DCAKD: variants seen among roughly 807,000 people sequenced by gnomAD.
DCAKD encodes the protein dephospho-CoA kinase domain-containing protein.
DCAKD carries 15 observed loss-of-function variants against 18.7 expected under a neutral mutation model. That is an observed-to-expected ratio of 0.80 (90% confidence interval 0.54 to 1.24). The LOEUF is 1.24. Among genes scored for constraint, DCAKD ranks in the 50% most tolerant of loss-of-function variants. The pLI is 0.00. For missense variants in DCAKD, 301 were observed against 322.0 expected (o/e 0.93, Z 0.50); for synonymous variants, 130 against 133.0 (o/e 0.98, Z 0.16).
chr17:45,053,056 G>T (rs1198506201), upstream of DCAKD, among the ~76,000 whole-genome samples: 1 of 150,206 alleles, frequency 6.7e-6, no homozygotes, highest in East Asian at 2.0e-4. Context: ...CCAGCTACAC[G>T]GGAGGCTGAG....
At chr17:45,050,833 T>C (rs907588800) in intron 1 of DCAKD, among the ~76,000 whole-genome samples, 1 of 152,246 alleles carries the variant, frequency 6.6e-6, no homozygotes, top group Non-Finnish European at 1.5e-5. Flanking sequence ...TTGAAAACTC[T>C]GTAAGCAAAC....
chr17:45,034,998 A>T lies in DCAKD; in HGVS notation c.-113T>A. On this transcript the variant is annotated splice_region_variant and 5_prime_UTR_variant, in exon 2 of 5. Coordinates refer to ENST00000651974, the MANE Select transcript of DCAKD (RefSeq NM_001288655.2). ...GGTCCACCAGAGGAGTGCCAGAAGG[A>T]CCTGCTTGGGAGAGGCCAGCGGGAC... 3 of 1,118,280 alleles carry T rather than the reference A, an allele frequency of 2.7e-6. No individual in the cohort carries two copies. The highest frequency in any genetic ancestry group is 3.9e-6 in the Non-Finnish European group (3 of 761,102). The allele number at this position is 1,118,280 out of a possible 1,614,324, so 69.3% of individuals were successfully genotyped here. A position where few individuals can be genotyped will look rare whatever the true frequency, so the allele number is the denominator to read the frequency against.
chr17:45,034,682 C>A, intron 2 of DCAKD, 92 bp downstream of exon 2: 1 of 1,374,960 alleles, frequency 7.3e-7, no homozygotes, highest in Non-Finnish European at 1.0e-6. Context: ...CCTTCCCCTC[C>A]TCTGAGACTT....
intron 3 of DCAKD, among the ~76,000 whole-genome samples, chr17:45,032,585 C>A (rs1330310648): frequency 1.3e-5 from 2 of 151,802 alleles, no homozygotes; most frequent in Non-Finnish European, 2.9e-5. Flanking sequence ...GAGTTTGAGA[C>A]CAGCCTGGCC....
chr17:45,034,964 G>C lies in DCAKD; in HGVS notation c.-79C>G. On this transcript the variant is annotated 5_prime_UTR_variant, in exon 2 of 5. It adds an upstream start codon to the 5' untranslated region. Coordinates refer to ENST00000651974, the MANE Select transcript of DCAKD (RefSeq NM_001288655.2). ...ACTGGAGAGCAGGGCAAGTGTGGCC[G>C]ATGGGGGCGGTCCACCAGAGGAGTG... The C allele has an allele frequency of 1.4e-6, 2 of 1,468,002 alleles. No homozygotes were observed. The highest frequency in any genetic ancestry group is 1.9e-6 in the Non-Finnish European group (2 of 1,063,600). The allele number at this position is 1,468,002 out of a possible 1,614,324, so 90.9% of individuals were successfully genotyped here.
intron 1 of DCAKD, among the ~76,000 whole-genome samples, chr17:45,042,725 T>C (rs1019725951): frequency 2.5e-4 from 38 of 152,234 alleles, no homozygotes; most frequent in African/African-American, 9.2e-4. Context: ...TCTTTCATTA[T>C]TGGTGAGAGG....
chr17:45,031,869 C>T, intron 3 of DCAKD: 2 of 985,436 alleles, frequency 2.0e-6, no homozygotes, highest in Non-Finnish European at 2.4e-6. Context: ...ATTATACCAA[C>T]TTTGACAGTT....
Position 45,034,396 on chromosome 17 carries a change from G to A in DCAKD, c.113-6C>T, listed in dbSNP as rs779979696. 1 of 1,613,370 alleles carries A rather than the reference G, an allele frequency of 6.2e-7. No individual in the cohort carries two copies. Among genetic ancestry groups the A allele is most frequent in the South Asian group, 1.1e-5 (1 of 91,066 alleles). On this transcript the variant is annotated splice_polypyrimidine_tract_variant and splice_region_variant and intron_variant, in intron 2 of 4. Transcript: ENST00000651974. ...AGGGTATCCTGGCTGCACGACTGTGGCAGGAGGAAGAAGCTGGGTCACTCC... is the reference window on the plus strand; with the variant it reads ...AGGGTATCCTGGCTGCACGACTGTGACAGGAGGAAGAAGCTGGGTCACTCC...
At chr17:45,025,566 G>A (rs923578360) in intron 4 of DCAKD, among the ~76,000 whole-genome samples, 2 of 152,052 alleles carry the variant, frequency 1.3e-5, no homozygotes, top group African/African-American at 2.4e-5. Context: ...CCTCTGGAGC[G>A]GGGTTACCTC....
intron 1 of DCAKD, among the ~76,000 whole-genome samples, chr17:45,040,906 A>G (rs936490739): frequency 2.0e-5 from 3 of 152,138 alleles, no homozygotes; most frequent in Non-Finnish European, 2.9e-5. Flanking sequence ...AAGAATAAAT[A>G]CATTCAGAGA....
chr17:45,029,436 A>G (rs1434682107), intron 4 of DCAKD, among the ~76,000 whole-genome samples: 1 of 152,206 alleles, frequency 6.6e-6, no homozygotes, highest in Admixed American at 6.5e-5. Context: ...GCATCCGGGA[A>G]GCTTCTGGGT....
rs1335553013 is a variant in DCAKD at position 45,035,135 on chromosome 17, AGAG to A, written c.-114-139_-114-137del. ...CTTGGGGTGCTCTGGGGCCATCTGG[AGAG>A]GAGAAACCCTCCAGGAAAGGCCTCC... On this transcript the variant is annotated intron_variant, in intron 1 of 4. Transcript: ENST00000651974. The A allele has an allele frequency of 8.5e-6, 4 of 469,868 alleles. No homozygotes were observed. In the East Asian group the frequency reaches 1.2e-4, roughly 14 times the overall value. 29.1% of individuals were successfully genotyped at this position (469,868 alleles called of 1,614,324 possible).
Position 45,048,631 on chromosome 17 carries a change from C to A in DCAKD, c.-115+2730G>T, listed in dbSNP as rs570693396. Among the ~76,000 whole-genome samples the A allele has an allele frequency of 6.3e-5, 9 of 142,780 alleles. 1 individual carries two copies. The highest frequency in any genetic ancestry group is 4.5e-3 in the Middle Eastern group (1 of 220). The allele number at this position is 142,780 out of a possible 152,430, so 93.7% of individuals were successfully genotyped here. A position where few individuals can be genotyped will look rare whatever the true frequency, so the allele number is the denominator to read the frequency against. On this transcript the variant is annotated intron_variant, in intron 1 of 4. Coordinates refer to ENST00000651974, the MANE Select transcript of DCAKD (RefSeq NM_001288655.2). ...CAGCCTGGGTGACAGAGCGAGACTC[C>A]ATCTCAAAGAAAAACAAAACAAAAA...
Position 45,034,753 on chromosome 17 carries a change from C to T in DCAKD, c.112+21G>A, listed in dbSNP as rs753808976. On this transcript the variant is annotated intron_variant, in intron 2 of 4. Transcript: ENST00000651974. ...TGGGGAGCTGCTGTGCACGGCCCCC[C>T]AACCTGCCCCTCCAACTCACCGTGC... 6.2e-6 allele frequency: 10 copies of T among 1,612,528 alleles called. No homozygotes were observed. The South Asian group carries it at 7.7e-5, about 12-fold the overall frequency.
chr17:45,049,927 G>A (rs962968183), intron 1 of DCAKD, among the ~76,000 whole-genome samples: 21 of 151,690 alleles, frequency 1.4e-4, no homozygotes, highest in Admixed American at 2.0e-4. Context: ...TCACCATGTT[G>A]GCCAGGCTGG....
chr17:45,061,022 A>G (rs1222786289), exon 1 of DCAKD: 2 of 1,156,544 alleles, frequency 1.7e-6, no homozygotes, highest in Non-Finnish European at 2.1e-6. Flanking sequence ...ATCGAACTAC[A>G]ACTCCCATCA....
intron 1 of DCAKD, among the ~76,000 whole-genome samples, chr17:45,049,436 A>G (rs2053640532): frequency 6.6e-6 from 1 of 152,032 alleles, no homozygotes; most frequent in Non-Finnish European, 1.5e-5. Context: ...CTCGGAAAAA[A>G]TAAAGGAAAA....
At chr17:45,052,330 G>C (rs1051626596), upstream of DCAKD, among the ~76,000 whole-genome samples, 4 of 152,280 alleles carry the variant, frequency 2.6e-5, no homozygotes, top group African/African-American at 4.8e-5. Context: ...CTTTCCACCT[G>C]CCAGGTCCTA....
intron 1 of DCAKD, among the ~76,000 whole-genome samples, chr17:45,049,039 G>A (rs1056941198): frequency 6.6e-6 from 1 of 151,892 alleles, no homozygotes; most frequent in South Asian, 2.1e-4. Flanking sequence ...CTGTGATCCC[G>A]CCACTGCACT....
Sources: allele counts gnomAD v4.1 joint callset (sites outside exome capture counted in the v4.1 genomes callset), GRCh38; gene constraint gnomAD v4.1.1; transcripts MANE v1.5; gene names NCBI Gene and HGNC (gene_info 2026-07-23, HGNC 2026-07-21).